Variants in TRPC5OS observed in about 807,000 individuals in gnomAD.
TRPC5OS encodes the protein TRPC5 opposite strand, also known as putative uncharacterized protein TRPC5OS.
For missense variants in TRPC5OS, 64 were observed against 79.3 expected, an observed-to-expected ratio of 0.81 and a Z score of 0.73; for synonymous variants, 30 against 29.3, an observed-to-expected ratio of 1.02 and a Z score of -0.08.
chrX:111,888,271 A>G (rs1319983339), intron 1 of TRPC5OS, among the ~76,000 whole-genome samples: 1 of 110,980 alleles, frequency 9.0e-6, no homozygotes, highest in Non-Finnish European at 1.9e-5. Flanking sequence ...ATAAACCACT[A>G]TAAGGATTTG....
chrX:111,897,009 G>C (rs138841206), intron 3 of TRPC5OS, among the ~76,000 whole-genome samples: 15 of 112,085 alleles, frequency 1.3e-4, no homozygotes, highest in Non-Finnish European at 1.9e-4. Flanking sequence ...TTTGCTTTCT[G>C]ATGGTTTAGC....
chrX:111,896,515 T>G lies in TRPC5OS; in HGVS notation c.-311+20T>G, dbSNP rs1234852096. 3 of 110,353 alleles carry G rather than the reference T, an allele frequency of 2.7e-5. No individual in the cohort carries two copies. Among genetic ancestry groups the G allele is most frequent in the African/African-American group, 9.9e-5 (3 of 30,317 alleles). The allele number at this position is 110,353 out of a possible 1,213,427, so 9.1% of individuals were successfully genotyped here. ...TCACAGGTAAGTAGTTTATGAACATTTGGGCCAATTCAGTAGGTCAGTGGA... is the reference window on the plus strand; with the variant it reads ...TCACAGGTAAGTAGTTTATGAACATGTGGGCCAATTCAGTAGGTCAGTGGA... On this transcript the variant is annotated intron_variant, in intron 3 of 3. Coordinates refer to ENST00000635763, the MANE Select transcript of TRPC5OS (RefSeq NM_001195578.2).
chrX:111,902,154 C>G lies in TRPC5OS; in HGVS notation c.305C>G (p.Ser102Cys), dbSNP rs955360646. 4.4e-6 allele frequency: 5 copies of G among 1,142,154 alleles called. No homozygotes were observed. In the African/African-American group the frequency reaches 9.0e-5, roughly 21 times the overall value. 94.1% of individuals were successfully genotyped at this position (1,142,154 alleles called of 1,213,427 possible). ...DMDNLYEDTV[S>C]GINDDLTGD ...GATAACTTATATGAAGATACAGTCT[C>G]TGGTATAAATGATGACTTAACAGGT... The change falls in exon 4 of 4, where the codon TCT becomes TGT. Residue 102 changes from serine (S) to cysteine (C), a missense_variant. Coordinates refer to ENST00000635763, the MANE Select transcript of TRPC5OS (RefSeq NM_001195578.2).
chrX:111,884,339 A>G (rs1462686952), intron 1 of TRPC5OS, among the ~76,000 whole-genome samples: 1 of 112,550 alleles, frequency 8.9e-6, no homozygotes, highest in Non-Finnish European at 1.9e-5. Flanking sequence ...TTAATCAGAA[A>G]CTAGTTAAGG....
intron 1 of TRPC5OS, among the ~76,000 whole-genome samples, chrX:111,891,349 TC>T (rs1405135557): frequency 1.8e-5 from 2 of 111,522 alleles, no homozygotes; most frequent in Non-Finnish European, 3.8e-5. Flanking sequence ...TATAAGCATT[TC>T]TTTTTCTCTG....
chrX:111,878,657 A>G (rs1924068635), intron 1 of TRPC5OS, among the ~76,000 whole-genome samples: 1 of 111,570 alleles, frequency 9.0e-6, no homozygotes, highest in African/African-American at 3.3e-5. Context: ...GACAACCAAA[A>G]GCCTCTCCAG....
chrX:111,900,487 G>A (rs1237738106), intron 3 of TRPC5OS, among the ~76,000 whole-genome samples: 1 of 111,988 alleles, frequency 8.9e-6, no homozygotes, highest in African/African-American at 3.2e-5. Context: ...AAATAAATTG[G>A]TGAAAGAATT....
rs1228033974 is a variant in TRPC5OS, at chrX:111,902,707, T to G, written c.*522T>G. ...AAAGCATGTGTCCGACAAAAAATGC[T>G]ATAGCAGACTAAGGGAGGTAATTTT... On this transcript the variant is annotated 3_prime_UTR_variant, in exon 4 of 4. Transcript: ENST00000635763. The G allele has an allele frequency of 8.9e-6, 1 of 112,379 alleles. No homozygotes were observed. The highest frequency in any genetic ancestry group is 3.2e-5 in the African/African-American group (1 of 30,935). The allele number at this position is 112,379 out of a possible 1,213,427, so 9.3% of individuals were successfully genotyped here. A position where few individuals can be genotyped will look rare whatever the true frequency, so the allele number is the denominator to read the frequency against.
chrX:111,884,784 A>C (rs917962235), intron 1 of TRPC5OS, among the ~76,000 whole-genome samples: 9 of 113,175 alleles, frequency 8.0e-5, no homozygotes, highest in Admixed American at 3.7e-4. Flanking sequence ...AGCCTACTTA[A>C]GTCCTAGACA....
chrX:111,892,016 A>G (rs1924831510), intron 1 of TRPC5OS, among the ~76,000 whole-genome samples: 1 of 112,155 alleles, frequency 8.9e-6, no homozygotes, highest in Non-Finnish European at 1.9e-5. Flanking sequence ...GGCATTAAGC[A>G]CATTTGCAGG....
intron 1 of TRPC5OS, among the ~76,000 whole-genome samples, chrX:111,895,032 G>A: frequency 9.0e-6 from 1 of 111,352 alleles, no homozygotes; most frequent in Non-Finnish European, 1.9e-5. Flanking sequence ...ATATTTGTAC[G>A]CTCTTTGGTT....
chrX:111,898,330 A>G (rs1415490554), intron 3 of TRPC5OS, among the ~76,000 whole-genome samples: 4 of 106,074 alleles, frequency 3.8e-5, no homozygotes, highest in African/African-American at 1.0e-4. Flanking sequence ...AATGAACTTT[A>G]TATATTCTGG....
intron 1 of TRPC5OS, among the ~76,000 whole-genome samples, chrX:111,877,518 T>C (rs747872299): frequency 9.5e-4 from 105 of 111,079 alleles, no homozygotes; most frequent in Middle Eastern, 4.6e-3. Context: ...ATTTGAGGTA[T>C]GTATGGATGG....
At chrX:111,888,429 C>T in intron 1 of TRPC5OS, among the ~76,000 whole-genome samples, 1 of 105,885 alleles carries the variant, frequency 9.4e-6, no homozygotes, top group Admixed American at 1.0e-4. Context: ...AATCCCAGAA[C>T]TTTGGGAGGC....
chrX:111,883,107 C>T (rs1292748114), intron 1 of TRPC5OS, among the ~76,000 whole-genome samples: 2 of 108,906 alleles, frequency 1.8e-5, no homozygotes, highest in Admixed American at 9.8e-5. Context: ...AAAAAAAAGA[C>T]CTAGTCACAG....
At chrX:111,885,426 G>A (rs1305818153) in intron 1 of TRPC5OS, among the ~76,000 whole-genome samples, 1 of 111,162 alleles carries the variant, frequency 9.0e-6, no homozygotes, top group Non-Finnish European at 1.9e-5. Flanking sequence ...CAAGACTAGA[G>A]TGCCCAACTC....
chrX:111,899,822 G>A (rs1304997968), intron 3 of TRPC5OS, among the ~76,000 whole-genome samples: 2 of 111,230 alleles, frequency 1.8e-5, no homozygotes, highest in African/African-American at 6.5e-5. Flanking sequence ...TACATGAGAC[G>A]TTTTTCTCTT....
chrX:111,881,057 T>C (rs1446225126), intron 1 of TRPC5OS, among the ~76,000 whole-genome samples: 4 of 112,270 alleles, frequency 3.6e-5, no homozygotes, highest in African/African-American at 1.3e-4. Context: ...AATTGCACAT[T>C]GTGGGCAAAA....
chrX:111,896,686 C>G (rs1421214601), intron 3 of TRPC5OS, among the ~76,000 whole-genome samples, 191 bp downstream of exon 3: 1 of 111,682 alleles, frequency 9.0e-6, no homozygotes, highest in Admixed American at 9.6e-5. Context: ...CAGTTCTATT[C>G]CTGCTTAGGA....
Sources: allele counts gnomAD v4.1 joint callset (sites outside exome capture counted in the v4.1 genomes callset), GRCh38; gene constraint gnomAD v4.1.1; transcripts MANE v1.5; gene names NCBI Gene and HGNC (gene_info 2026-07-23, HGNC 2026-07-21).